SGCZ: variants seen among roughly 807,000 people sequenced by gnomAD.
The protein encoded by SGCZ is zeta-sarcoglycan.
In SGCZ, 40 loss-of-function variants were observed where a neutral mutation model predicts 41.3. The observed-to-expected ratio is 0.97, with a 90% confidence interval of 0.75 to 1.26. SGCZ has a LOEUF of 1.26. SGCZ is among the 50% of genes most tolerant of loss of function. The pLI, the probability that SGCZ is intolerant of heterozygous loss-of-function variation, is 0.00. For missense variants in SGCZ, 552 were observed against 369.8 expected (o/e 1.49, Z -4.04); for synonymous variants, 206 against 137.5 (o/e 1.50, Z -3.49).
At chr8:14,160,413 G>C (rs958958335) in intron 5 of SGCZ, among the ~76,000 whole-genome samples, 2 of 152,008 alleles carry the variant, frequency 1.3e-5, no homozygotes, top group African/African-American at 4.8e-5. Flanking sequence ...TTTTTGTTGT[G>C]TTGACTAGGT....
At chr8:14,153,302 A>G (rs1171933578) in intron 5 of SGCZ, among the ~76,000 whole-genome samples, 5 of 152,158 alleles carry the variant, frequency 3.3e-5, no homozygotes, top group Non-Finnish European at 1.5e-5. Flanking sequence ...GGGGACTTCA[A>G]TCTGAACACG....
At chr8:14,126,340 A>G (rs1016174644) in intron 5 of SGCZ, among the ~76,000 whole-genome samples, 1 of 152,244 alleles carries the variant, frequency 6.6e-6, no homozygotes, top group African/African-American at 2.4e-5. Context: ...ACACTTCTCA[A>G]AAGAAGACAT....
intron 3 of SGCZ, among the ~76,000 whole-genome samples, chr8:14,311,974 A>T (rs1008646094): frequency 6.6e-6 from 1 of 152,182 alleles, no homozygotes; most frequent in Admixed American, 6.6e-5. Context: ...TTTATAATGC[A>T]GATTCCATTA....
chr8:14,154,346 G>A (rs1803811979), intron 5 of SGCZ, among the ~76,000 whole-genome samples: 1 of 151,798 alleles, frequency 6.6e-6, no homozygotes. Context: ...TCCAGCCTGA[G>A]CGACATAGCA....
chr8:14,237,545 A>C (rs1381486084), intron 4 of SGCZ, 47 bp downstream of exon 4: 2 of 1,549,788 alleles, frequency 1.3e-6, no homozygotes, highest in Admixed American at 1.8e-5. Context: ...AACAACAACA[A>C]AAAAAACCAA....
chr8:14,719,180 A>G (rs1809799698), intron 1 of SGCZ, among the ~76,000 whole-genome samples: 1 of 150,538 alleles, frequency 6.6e-6, no homozygotes, highest in African/African-American at 2.5e-5. Context: ...AAAGGACATG[A>G]ACTCATCATT....
chr8:14,291,956 G>A lies in SGCZ; in HGVS notation c.336+32147C>T, dbSNP rs1260297714. Among the ~76,000 whole-genome samples, 6 of 152,146 alleles carry A rather than the reference G, an allele frequency of 3.9e-5. No individual in the cohort carries two copies. In the East Asian group the frequency reaches 1.2e-3, roughly 29 times the overall value. Reference sequence around the variant, plus strand: ...ACTACTTTAATAACATATTCAGCCAGAAGAAAGGAGATAATAATTGGCTTT... The same window carrying A: ...ACTACTTTAATAACATATTCAGCCAAAAGAAAGGAGATAATAATTGGCTTT... On this transcript the variant is annotated intron_variant, in intron 3 of 7. Coordinates refer to ENST00000382080, the MANE Select transcript of SGCZ (RefSeq NM_139167.4).
At chr8:15,112,730 T>C (rs534860183) in intron 1 of SGCZ, among the ~76,000 whole-genome samples, 132 of 152,270 alleles carry the variant, frequency 8.7e-4, no homozygotes, top group African/African-American at 2.8e-3. Context: ...AGCTCTCAGC[T>C]AACCGCTAGC....
At chr8:14,717,666 T>C (rs559990613) in intron 1 of SGCZ, among the ~76,000 whole-genome samples, 6 of 152,220 alleles carry the variant, frequency 3.9e-5, no homozygotes, top group South Asian at 2.1e-4. Flanking sequence ...CATTACATTC[T>C]TAATAATTTT....
intron 2 of SGCZ, among the ~76,000 whole-genome samples, chr8:14,408,079 C>A (rs1431767185): frequency 6.6e-6 from 1 of 152,110 alleles, no homozygotes; most frequent in Non-Finnish European, 1.5e-5. Context: ...AATTCACTTC[C>A]TTTTCACATT....
At chr8:14,271,842 G>A (rs976741440) in intron 3 of SGCZ, among the ~76,000 whole-genome samples, 1 of 152,134 alleles carries the variant, frequency 6.6e-6, no homozygotes, top group Non-Finnish European at 1.5e-5. Flanking sequence ...GCTGTTAAAA[G>A]CCTCGATCTC....
chr8:14,938,488 T>G (rs1347250740), intron 1 of SGCZ, among the ~76,000 whole-genome samples: 1 of 152,176 alleles, frequency 6.6e-6, no homozygotes, highest in Non-Finnish European at 1.5e-5. Context: ...TTCCCTATAA[T>G]TTTCTTAAAA....
chr8:14,802,747 T>C (rs780445873), intron 1 of SGCZ, among the ~76,000 whole-genome samples: 7 of 152,180 alleles, frequency 4.6e-5, no homozygotes, highest in Non-Finnish European at 8.8e-5. Flanking sequence ...TGTGGAGCCC[T>C]AAGGAGTTAA....
intron 1 of SGCZ, among the ~76,000 whole-genome samples, chr8:15,034,692 G>A (rs897539953): frequency 6.6e-6 from 1 of 152,060 alleles, no homozygotes. Context: ...AAAACCAAGA[G>A]AGGACCCTGA....
intron 1 of SGCZ, among the ~76,000 whole-genome samples, chr8:15,218,246 A>T (rs932216945): frequency 6.6e-6 from 1 of 152,192 alleles, no homozygotes; most frequent in African/African-American, 2.4e-5. Context: ...AAGCATATAT[A>T]CAAAGAGATG....
intron 1 of SGCZ, among the ~76,000 whole-genome samples, chr8:15,173,343 A>T (rs1033754096): frequency 6.6e-6 from 1 of 152,186 alleles, no homozygotes; most frequent in East Asian, 1.9e-4. Flanking sequence ...CACTGGAGCA[A>T]CGTTTAACTT....
rs1176939375 is a variant in SGCZ at position 14,731,176 on chromosome 8, A to G, written c.40-176250T>C. Among the ~76,000 whole-genome samples, 3 of 151,972 alleles carry G rather than the reference A, an allele frequency of 2.0e-5. No homozygotes were observed. In the East Asian group the frequency reaches 5.8e-4, roughly 29 times the overall value. On this transcript the variant is annotated intron_variant, in intron 1 of 7. Transcript: ENST00000382080. ...ACAGACTGGATAAAGAAAATGTGGCACATATACACCATGGAATATTATGCA... is the reference window on the plus strand; with the variant it reads ...ACAGACTGGATAAAGAAAATGTGGCGCATATACACCATGGAATATTATGCA...
intron 4 of SGCZ, among the ~76,000 whole-genome samples, chr8:14,191,833 A>G (rs751015010): frequency 1.2e-4 from 18 of 152,290 alleles, no homozygotes; most frequent in Admixed American, 6.5e-5. Flanking sequence ...GCTTCTTTCT[A>G]TGATTCTTTT....
intron 1 of SGCZ, among the ~76,000 whole-genome samples, chr8:14,985,577 T>C (rs149968092): frequency 1.3e-5 from 2 of 152,312 alleles, no homozygotes; most frequent in Non-Finnish European, 2.9e-5. Context: ...CAGTTCAGAA[T>C]GCAGGATGTG....
Sources: allele counts gnomAD v4.1 joint callset (sites outside exome capture counted in the v4.1 genomes callset), GRCh38; gene constraint gnomAD v4.1.1; transcripts MANE v1.5; gene names NCBI Gene and HGNC (gene_info 2026-07-23, HGNC 2026-07-21).